Variants in VPS33A observed in about 807,000 individuals in gnomAD.
The protein encoded by VPS33A is vacuolar protein sorting-associated protein 33A.
In VPS33A, 32 loss-of-function variants were observed where a neutral mutation model predicts 71.8. The ratio of observed to expected loss-of-function variants is 0.45; its 90% CI spans 0.34 to 0.60. The LOEUF is 0.60. VPS33A is among the 20% of genes least tolerant of loss of function. VPS33A has a pLI of 0.02. For synonymous variants in VPS33A, 311 were observed against 292.7 expected, an observed-to-expected ratio of 1.06 and a Z score of -0.64; for missense variants, 625 against 748.5, an observed-to-expected ratio of 0.84 and a Z score of 1.92.
At chr12:122,240,861 C>T (rs1465768113) in intron 8 of VPS33A, 4 of 152,164 alleles carry the variant, frequency 2.6e-5, no homozygotes, top group African/African-American at 4.8e-5. Context: ...AGCTGCTGGC[C>T]GCGGTGGCTC....
At chr12:122,233,063 G>T in intron 11 of VPS33A, 95 bp from the exon 12 acceptor site, 7 of 1,339,882 alleles carry the variant, frequency 5.2e-6, no homozygotes, top group Non-Finnish European at 4.0e-6. Flanking sequence ...ATTTGATTTG[G>T]ATTTAAAGAT....
At chr12:122,258,986 C>CAA (rs749562489) in intron 4 of VPS33A, among the ~76,000 whole-genome samples, 16 of 53,084 alleles carry the variant, frequency 3.0e-4, no homozygotes, top group East Asian at 6.1e-4. Flanking sequence ...CAATCCATCT[C>CAA]AAAAAAAAAA....
chr12:122,265,641 G>T, intron 1 of VPS33A: 1 of 409,686 alleles, frequency 2.4e-6, no homozygotes, highest in Non-Finnish European at 5.1e-6. Context: ...TTTACCTCTT[G>T]GGGTTCTGTT....
At position 122,261,311 on chromosome 12, in the gene VPS33A, T is replaced by A. The variant is rs923795681; in HGVS notation, c.433A>T (p.Ile145Phe). The change falls in exon 4 of 13, where the codon ATT becomes TTT. Residue 145 changes from isoleucine (I) to phenylalanine (F), a missense_variant. Transcript: ENST00000267199. The part of the protein sequence containing the change: ...IHREEYSLDL[I>F]PFDGDLLSME... ...GATAAGAGATCCCCATCGAATGGAA[T>A]GAGATCTAAGCTGTACTCCTCCCTG... The A allele has an allele frequency of 1.9e-6, 3 of 1,610,652 alleles. No individual in the cohort carries two copies. The highest frequency in any genetic ancestry group is 2.2e-5 in the South Asian group (2 of 90,798).
chr12:122,257,282 G>C (rs1278643822), intron 4 of VPS33A, among the ~76,000 whole-genome samples: 3 of 151,596 alleles, frequency 2.0e-5, no homozygotes, highest in African/African-American at 7.3e-5. Flanking sequence ...CAAAAATTAG[G>C]CGGGCGTGGT....
intron 12 of VPS33A, 82 bp downstream of exon 12, chr12:122,232,718 C>T (rs1954579201): frequency 3.3e-6 from 5 of 1,498,740 alleles, no homozygotes; most frequent in East Asian, 4.6e-5. Flanking sequence ...AAGTGCTTTA[C>T]TATTTTACAA....
intron 4 of VPS33A, among the ~76,000 whole-genome samples, chr12:122,255,865 G>A (rs960046528): frequency 1.3e-5 from 2 of 152,224 alleles, no homozygotes; most frequent in East Asian, 1.9e-4. Flanking sequence ...GTGCACTGGT[G>A]TGATCACAGC....
chr12:122,246,282 CTCTCT>C (rs889379662), intron 6 of VPS33A, among the ~76,000 whole-genome samples: 1 of 145,950 alleles, frequency 6.9e-6, no homozygotes, highest in African/African-American at 2.6e-5. Context: ...ATCTCTCTCT[CTCTCT>C]TATTTTATTT....
At chr12:122,250,897 A>T in intron 5 of VPS33A, 86 bp downstream of exon 5, 1 of 935,228 alleles carries the variant, frequency 1.1e-6, no homozygotes, top group Non-Finnish European at 1.7e-6. Context: ...GATCAACTGA[A>T]TTTGTTTGTA....
chr12:122,250,159 G>T, intron 5 of VPS33A, 114 bp from the exon 6 acceptor site: 1 of 1,141,714 alleles, frequency 8.8e-7, no homozygotes, highest in Non-Finnish European at 1.2e-6. Context: ...AACTGGAAGA[G>T]TGCATTGCTT....
In VPS33A at chr12:122,240,611, CA is replaced by C. The variant is rs553425173; in HGVS notation, c.1097-667del. ...GTTTCCACTCCTATGAACAGGGAAA[CA>C]AAGGACTGATTTTCCGATAACTGTG... On this transcript the variant is annotated intron_variant, in intron 8 of 12. Transcript: ENST00000267199. 7.4e-3 allele frequency among the ~76,000 whole-genome samples: 1,124 copies of C among 152,286 alleles called. 16 individuals are homozygous for C. The highest frequency in any genetic ancestry group is 0.026 in the African/African-American group (1,068 of 41,566).
chr12:122,242,502 GTCTT>G lies in VPS33A; in HGVS notation c.972_975del (p.Glu324AspfsTer36). Reference sequence around the variant, plus strand: ...ATCTCCCCCACGGTCTTAGCATTGTGTCTTTCCTGAAATAAACAAGAGAGCAGTG... The same window carrying G: ...ATCTCCCCCACGGTCTTAGCATTGTGTCCTGAAATAAACAAGAGAGCAGTG... On this transcript the variant is annotated frameshift_variant and splice_region_variant, in exon 8 of 13. Transcript: ENST00000267199. LOFTEE classifies it high-confidence loss of function. 6.2e-7 allele frequency: 1 copy of G among 1,609,252 alleles called. No homozygotes were observed. Among genetic ancestry groups the G allele is most frequent in the Non-Finnish European group, 8.5e-7 (1 of 1,176,110 alleles).
At chr12:122,259,578 A>G (rs1449985295) in intron 4 of VPS33A, among the ~76,000 whole-genome samples, 1 of 152,154 alleles carries the variant, frequency 6.6e-6, no homozygotes, top group Non-Finnish European at 1.5e-5. Context: ...AACTTTTCAC[A>G]ATATTCACAG....
At chr12:122,240,891 T>C (rs1331295251) in intron 8 of VPS33A, 1 of 152,142 alleles carries the variant, frequency 6.6e-6, no homozygotes, top group Non-Finnish European at 1.5e-5. Flanking sequence ...ATCCCAGCAC[T>C]TTGGGAGCCA....
Position 122,242,390 on chromosome 12 carries a change from T to C in VPS33A, c.1088A>G (p.Asp363Gly), listed in dbSNP as rs778604654. ...NHTSIAELIK[D>G]VTTSEDFFDK... ...TTACAAAGGATACTCACTAGTGACATCTTTGATCAATTCTGCAATTGAGGT... is the reference window on the plus strand; with the variant it reads ...TTACAAAGGATACTCACTAGTGACACCTTTGATCAATTCTGCAATTGAGGT... Residue 363 changes from aspartate to glycine, a missense_variant, in exon 8 of 13, where the codon GAT (aspartate) becomes GGT (glycine). Physicochemically the swap from Asp to Gly is moderately conservative, Grantham distance 94. Coordinates refer to ENST00000267199, the MANE Select transcript of VPS33A (RefSeq NM_022916.6). 1.8e-5 allele frequency: 29 copies of C among 1,613,584 alleles called. No homozygotes were observed. In the South Asian group the frequency reaches 3.0e-4, roughly 16 times the overall value.
In VPS33A at chr12:122,232,354, C is replaced by T; in HGVS notation, c.1683G>A (p.Leu561=). The part of the protein sequence containing the change: ...GGVTFAEIAA[L]RFLSQLEDGG... ...CATCTTCCAACTGGGAGAGAAATCG[C>T]AGGGCAGCAATTTCAGCGAAGGTTA... is the stretch of plus-strand genomic sequence containing the variant. The change falls in exon 13 of 13, where the codon CTG becomes CTA. Residue 561 remains leucine, a synonymous_variant. Transcript: ENST00000267199. The T allele has an allele frequency of 3.1e-6, 5 of 1,614,150 alleles. No individual in the cohort carries two copies. Among genetic ancestry groups the T allele is most frequent in the Non-Finnish European group, 4.2e-6 (5 of 1,180,034 alleles).
At chr12:122,239,514 T>C (rs965775837) in intron 9 of VPS33A, among the ~76,000 whole-genome samples, 3 of 152,090 alleles carry the variant, frequency 2.0e-5, no homozygotes, top group Non-Finnish European at 4.4e-5. Context: ...GGTGGGCGGA[T>C]CACAAGGTCG....
intron 10 of VPS33A, among the ~76,000 whole-genome samples, chr12:122,237,494 T>C (rs1395365765): frequency 6.6e-6 from 1 of 151,792 alleles, no homozygotes; most frequent in Non-Finnish European, 1.5e-5. Context: ...AACAAGGAAG[T>C]ATTGTGAAGA....
chr12:122,242,966 A>C (rs1201292800), intron 7 of VPS33A, among the ~76,000 whole-genome samples: 2 of 152,184 alleles, frequency 1.3e-5, no homozygotes, highest in Non-Finnish European at 2.9e-5. Context: ...AAAAGAGAAA[A>C]GAAAAGTATA....
Sources: gnomAD v4.1 joint callset for allele counts (sites outside exome capture counted in the v4.1 genomes callset) on GRCh38, gnomAD v4.1.1 for gene constraint, MANE v1.5 for transcripts, NCBI Gene and HGNC (gene_info 2026-07-23, HGNC 2026-07-21) for gene names.